PHACTR1: variants seen among roughly 807,000 people sequenced by gnomAD.
PHACTR1 encodes the protein RPEL repeat containing 1.
In PHACTR1, 16 loss-of-function variants were observed where a neutral mutation model predicts 69.2. The observed-to-expected ratio is 0.23, with a 90% CI of 0.16 to 0.35. The LOEUF (loss-of-function observed/expected upper bound fraction) is 0.35. Among genes scored for constraint, PHACTR1 ranks in the 10% least tolerant of loss-of-function variants. The pLI, the probability that PHACTR1 is intolerant of heterozygous loss-of-function variation, is 1.00. For missense variants in PHACTR1, 510 were observed against 734.7 expected (o/e 0.69, Z 3.54); for synonymous variants, 312 against 284.5 (o/e 1.10, Z -0.97).
chr6:12,975,550 T>C (rs940472060), intron 4 of PHACTR1, among the ~76,000 whole-genome samples: 15 of 152,184 alleles, frequency 9.9e-5, no homozygotes, highest in African/African-American at 3.6e-4. Context: ...AAGATTCAGT[T>C]TGGCCAAAAG....
chr6:12,958,048 G>A (rs1792123991), intron 4 of PHACTR1: 1 of 979,234 alleles, frequency 1.0e-6, no homozygotes, highest in African/African-American at 1.7e-5. Context: ...GTAGGCATTG[G>A]CGTCTGAAAT....
chr6:13,170,106 A>T (rs2113628166), intron 6 of PHACTR1, among the ~76,000 whole-genome samples: 1 of 152,302 alleles, frequency 6.6e-6, no homozygotes, highest in East Asian at 1.9e-4. Flanking sequence ...CCTACATCAC[A>T]TGCGTATACC....
At chr6:13,114,845 T>C (rs771312754) in intron 5 of PHACTR1, among the ~76,000 whole-genome samples, 6 of 152,220 alleles carry the variant, frequency 3.9e-5, no homozygotes, top group Non-Finnish European at 5.9e-5. Flanking sequence ...TTAAAAGTTA[T>C]AAATCTAAAA....
chr6:13,280,052 T>TA (rs1374636525), intron 12 of PHACTR1: 1 of 152,162 alleles, frequency 6.6e-6, no homozygotes, highest in Non-Finnish European at 1.5e-5. Flanking sequence ...GAGAAATACT[T>TA]AGACATTTAT....
intron 4 of PHACTR1, among the ~76,000 whole-genome samples, chr6:12,764,125 T>C (rs564283969): frequency 1.6e-4 from 24 of 152,292 alleles, no homozygotes; most frequent in African/African-American, 5.5e-4. Flanking sequence ...GAGAAGTAGA[T>C]GTTAATGTAC....
intron 4 of PHACTR1, chr6:12,957,403 G>A: frequency 3.0e-6 from 3 of 985,514 alleles, no homozygotes; most frequent in Non-Finnish European, 3.6e-6. Context: ...CAGGTCGGGG[G>A]TCTGGTTTGG....
At chr6:13,070,055 A>C (rs1027937879) in intron 5 of PHACTR1, among the ~76,000 whole-genome samples, 11 of 152,192 alleles carry the variant, frequency 7.2e-5, no homozygotes, top group African/African-American at 7.2e-5. Context: ...GTATGTGTAC[A>C]CCAAATGCCT....
intron 4 of PHACTR1, among the ~76,000 whole-genome samples, chr6:12,769,837 A>G (rs1302516690): frequency 6.6e-6 from 1 of 152,224 alleles, no homozygotes; most frequent in Admixed American, 6.5e-5. Context: ...ATCTGTGTAC[A>G]GGCTCAGAGG....
chr6:13,215,665 A>G (rs1008411314), intron 8 of PHACTR1, among the ~76,000 whole-genome samples: 1 of 152,246 alleles, frequency 6.6e-6, no homozygotes, highest in Admixed American at 6.5e-5. Flanking sequence ...AGGAGTCCCA[A>G]ATGGTTTACT....
At chr6:13,273,009 G>A in intron 11 of PHACTR1, 94 bp downstream of exon 11, 2 of 1,534,046 alleles carry the variant, frequency 1.3e-6, no homozygotes, top group Non-Finnish European at 1.8e-6. Context: ...TTGCGCCTCT[G>A]CGGAAAGCAT....
chr6:13,072,730 T>C (rs1051692337), intron 5 of PHACTR1, among the ~76,000 whole-genome samples: 1 of 152,208 alleles, frequency 6.6e-6, no homozygotes, highest in African/African-American at 2.4e-5. Context: ...TTATTTGTAC[T>C]TTTTTTCTTT....
At chr6:13,184,806 A>G in intron 7 of PHACTR1, 1 of 1,366,444 alleles carries the variant, frequency 7.3e-7, no homozygotes, top group East Asian at 4.5e-5. Flanking sequence ...CAGTGTCTGA[A>G]GAGAGTCCCT....
intron 5 of PHACTR1, among the ~76,000 whole-genome samples, chr6:13,106,571 A>G (rs1004499968): frequency 6.6e-6 from 1 of 152,032 alleles, no homozygotes; most frequent in Non-Finnish European, 1.5e-5. Flanking sequence ...CTTGACCTCC[A>G]GGTTCAAGCA....
intron 4 of PHACTR1, among the ~76,000 whole-genome samples, chr6:12,923,824 C>T (rs1787973807): frequency 6.6e-6 from 1 of 152,118 alleles, no homozygotes; most frequent in African/African-American, 2.4e-5. Context: ...CAGGATAGGC[C>T]TGAAGAGGCA....
At chr6:13,123,842 G>A (rs1231760470) in intron 5 of PHACTR1, among the ~76,000 whole-genome samples, 1 of 152,160 alleles carries the variant, frequency 6.6e-6, no homozygotes, top group African/African-American at 2.4e-5. Flanking sequence ...CATGCTTTCA[G>A]GCTTCACAGT....
chr6:13,062,710 G>A (rs1807859814), intron 5 of PHACTR1, among the ~76,000 whole-genome samples: 1 of 152,134 alleles, frequency 6.6e-6, no homozygotes. Flanking sequence ...CATTGACAGA[G>A]TACATTTGCA....
At chr6:12,817,824 ATTTT>A (rs1235021628) in intron 4 of PHACTR1, among the ~76,000 whole-genome samples, 1 of 142,198 alleles carries the variant, frequency 7.0e-6, no homozygotes. Context: ...GTTTACTTTA[ATTTT>A]TTTTTTTTTT....
chr6:13,142,228 C>CAGTA (rs1268122067), intron 5 of PHACTR1, among the ~76,000 whole-genome samples: 2 of 152,036 alleles, frequency 1.3e-5, no homozygotes, highest in African/African-American at 2.4e-5. Context: ...TCAGCCTCCC[C>CAGTA]AGTAGCTGGG....
intron 4 of PHACTR1, among the ~76,000 whole-genome samples, chr6:12,761,863 C>T (rs754127470): frequency 1.3e-5 from 2 of 152,182 alleles, no homozygotes; most frequent in Admixed American, 6.5e-5. Flanking sequence ...TGTGGATCTG[C>T]GGAAGTCTAG....
Sources: gnomAD v4.1 joint callset for allele counts (sites outside exome capture counted in the v4.1 genomes callset) on GRCh38, gnomAD v4.1.1 for gene constraint, MANE v1.5 for transcripts, NCBI Gene and HGNC (gene_info 2026-07-23, HGNC 2026-07-21) for gene names.